The following UNKL variants were observed in gnomAD, a reference collection of about 807,000 sequenced individuals.
UNKL encodes putative E3 ubiquitin-protein ligase UNKL.
In UNKL, 60 loss-of-function variants were observed where a neutral mutation model predicts 78.0. The observed-to-expected ratio is 0.77, with a 90% CI of 0.63 to 0.95. UNKL has a LOEUF of 0.95. Among genes scored for constraint, UNKL ranks in the 40% least tolerant of loss-of-function variants. The probability of loss-of-function intolerance (pLI) is 0.00; values close to 1 mark genes in which losing one functional copy is unlikely to be tolerated. For synonymous variants in UNKL, 608 were observed against 474.8 expected (o/e 1.28, Z -3.65); for missense variants, 1,159 against 1,045.7 (o/e 1.11, Z -1.49).
At chr16:1,381,189 G>T (rs1377747757) in intron 10 of UNKL, among the ~76,000 whole-genome samples, 1 of 152,218 alleles carries the variant, frequency 6.6e-6, no homozygotes, top group Non-Finnish European at 1.5e-5. Context: ...AGTGAGCACA[G>T]TCCAAGATGG....
intron 6 of UNKL, among the ~76,000 whole-genome samples, chr16:1,395,107 A>C (rs1003677876): frequency 2.2e-4 from 32 of 147,384 alleles, no homozygotes; most frequent in Non-Finnish European, 4.4e-5. Flanking sequence ...CAAACTCCTG[A>C]CCTCGGCCCC....
In UNKL at chr16:1,371,470, G is replaced by A. The variant is rs2035833175; in HGVS notation, c.1357+49C>T. On this transcript the variant is annotated intron_variant, in intron 11 of 14. Coordinates refer to ENST00000389221, the MANE Select transcript of UNKL (RefSeq NM_001372107.1). ...AGCGATCCTCCGGCCACAGCACTTG[G>A]CTGTTCAGCGGCTGGAGGAGCAGGG... The A allele has an allele frequency of 2.0e-6, 3 of 1,517,954 alleles. No individual in the cohort carries two copies. The South Asian group carries it at 3.6e-5, about 18-fold the overall frequency. The allele number at this position is 1,517,954 out of a possible 1,614,324, so 94.0% of individuals were successfully genotyped here.
intron 10 of UNKL, chr16:1,379,543 GC>G (rs900643710): frequency 1.6e-4 from 161 of 985,130 alleles, no homozygotes; most frequent in Non-Finnish European, 1.9e-4. Flanking sequence ...CTGGCGGGGG[GC>G]GCACCTAAGG....
intron 2 of UNKL, among the ~76,000 whole-genome samples, chr16:1,405,194 CAAAAAAAAAAA>C (rs529175991): frequency 9.1e-6 from 1 of 109,514 alleles, no homozygotes; most frequent in Non-Finnish European, 1.9e-5. Flanking sequence ...GACCCTGTCT[CAAAAAAAAAAA>C]AAAAAAAAAA....
intron 12 of UNKL, 27 bp from the exon 13 acceptor site, chr16:1,367,885 CCAGCCCTGCTG>C: frequency 1.3e-6 from 2 of 1,532,658 alleles, no homozygotes; most frequent in East Asian, 2.4e-5. Context: ...CGATGACGGC[CCAGCCCTGCTG>C]TGCTCGCGGC....
chr16:1,380,100 C>A (rs1405403129), intron 10 of UNKL, among the ~76,000 whole-genome samples: 3 of 152,260 alleles, frequency 2.0e-5, no homozygotes, highest in Admixed American at 2.0e-4. Flanking sequence ...GGGTACGGAG[C>A]TCGCAGGTCT....
At chr16:1,378,003 C>T (rs1163465777) in intron 10 of UNKL, among the ~76,000 whole-genome samples, 1 of 152,200 alleles carries the variant, frequency 6.6e-6, no homozygotes, top group Non-Finnish European at 1.5e-5. Flanking sequence ...TGCCCTTGCG[C>T]GTGCCGGTCA....
rs949037794 is a variant in UNKL at position 1,403,694 on chromosome 16, G to A, written c.288-350C>T. Among the ~76,000 whole-genome samples the A allele has an allele frequency of 6.6e-6, 1 of 152,312 alleles. No individual in the cohort carries two copies. Among genetic ancestry groups the A allele is most frequent in the East Asian group, 1.9e-4 (1 of 5,190 alleles). On this transcript the variant is annotated intron_variant, in intron 2 of 14. Transcript: ENST00000389221. The surrounding 1 kb of genome is among the most constrained non-coding windows in gnomAD (Gnocchi z 4.8). Reference sequence around the variant, plus strand: ...CCAAATAAACCTTTAAACCTGTGTGGGAATGAGAGTTCATGCCCTGCACGC... The same window carrying A: ...CCAAATAAACCTTTAAACCTGTGTGAGAATGAGAGTTCATGCCCTGCACGC...
At position 1,390,686 on chromosome 16, in the gene UNKL, C is replaced by CGGTGAGGGGGGT. The variant is rs1414362055; in HGVS notation, c.1031_1032insACCCCCCTCACC (p.Arg344_Arg345insProProSerPro). ...GGCCACCCTCGGCCGGCGAGTCTCT[C>CGGTGAGGGGGGT]CGCTTGGCCTGCAACATAAAAAACA... On this transcript the variant is annotated inframe_insertion, in exon 9 of 15. Coordinates refer to ENST00000389221, the MANE Select transcript of UNKL (RefSeq NM_001372107.1). The CGGTGAGGGGGGT allele has an allele frequency of 6.5e-7, 1 of 1,536,036 alleles. No homozygotes were observed. The highest frequency in any genetic ancestry group is 8.7e-7 in the Non-Finnish European group (1 of 1,146,880).
In UNKL at chr16:1,367,202, C is replaced by T. The variant is rs184418979; in HGVS notation, c.1936G>A (p.Ala646Thr). The T allele has an allele frequency of 3.3e-5, 53 of 1,605,556 alleles. No homozygotes were observed. Among genetic ancestry groups the T allele is most frequent in the Non-Finnish European group, 4.4e-5 (52 of 1,178,184 alleles). Reference protein sequence around the residue: ...LQEELEGLGVASTLPGLRGCG... With the variant: ...LQEELEGLGVTSTLPGLRGCG... ...CCCCGCAGCCCCGGCAGTGTGGAGG[C>T]TACGCCCAGGCCCTCCAGCTCCTCC... is the stretch of plus-strand genomic sequence containing the variant. Residue 646 changes from alanine to threonine, a missense_variant, in exon 14 of 15, where the codon GCC (alanine) becomes ACC (threonine). By Grantham distance (58) the Ala-to-Thr change is moderately conservative (BLOSUM62 0). Transcript: ENST00000389221.
chr16:1,398,452 G>A, intron 5 of UNKL: 3 of 1,133,090 alleles, frequency 2.6e-6, no homozygotes, highest in South Asian at 4.7e-5. Flanking sequence ...AGCCGTTCAG[G>A]TCCTTTACTC....
At position 1,387,503 on chromosome 16, in the gene UNKL, G is replaced by A. The variant is rs117223448; in HGVS notation, c.1087-2118C>T. ...ACATCCAGGAGCAACGCACACCTGG[G>A]AGCTCCTTGTACCCCGATGGCTTGG... On this transcript the variant is annotated intron_variant, in intron 9 of 14. Coordinates refer to ENST00000389221, the MANE Select transcript of UNKL (RefSeq NM_001372107.1). This position sits in a 1 kb window ranked among gnomAD's most constrained non-coding sequence, Gnocchi z 4.1. Among the ~76,000 whole-genome samples the A allele has an allele frequency of 0.019, 2,916 of 152,246 alleles. 48 individuals carry two copies. The highest frequency in any genetic ancestry group is 0.031 in the Non-Finnish European group (2,089 of 68,010).
rs536455940 is a variant in UNKL, at chr16:1,368,654, A to G, written c.1586-796T>C. On this transcript the variant is annotated intron_variant, in intron 12 of 14. Coordinates refer to ENST00000389221, the MANE Select transcript of UNKL (RefSeq NM_001372107.1). ...AAAAAAACAGGCCTGTCATCCCAGC[A>G]CTTTGGGAGGTCGAGGCCAGCAGAT... Among the ~76,000 whole-genome samples, 4 of 144,352 alleles carry G rather than the reference A, an allele frequency of 2.8e-5. No homozygotes were observed. In the East Asian group the frequency reaches 8.4e-4, roughly 30 times the overall value. The allele number at this position is 144,352 out of a possible 152,430, so 94.7% of individuals were successfully genotyped here.
In UNKL at chr16:1,371,555, G is replaced by A. The variant is rs2035842074; in HGVS notation, c.1321C>T (p.Leu441=). The change falls in exon 11 of 15, where the codon CTG becomes TTG. Residue 441 remains leucine, a synonymous_variant. Transcript: ENST00000389221. ...NVNIASLEKD[L]EEQDGHDLGA... ...AGGTCGTGGCCGTCTTGCTCTTCCA[G>A]GTCCTTCTCTAGGGATGCAATATTC... The A allele has an allele frequency of 1.3e-6, 2 of 1,536,230 alleles. No homozygotes were observed. The highest frequency in any genetic ancestry group is 1.4e-5 in the African/African-American group (1 of 73,170).
intron 10 of UNKL, among the ~76,000 whole-genome samples, chr16:1,376,374 C>T (rs542966915): frequency 6.6e-6 from 1 of 150,566 alleles, no homozygotes; most frequent in African/African-American, 2.4e-5. Context: ...CTCTTCCCTC[C>T]TCCCTCCAGG....
intron 8 of UNKL, 145 bp from the exon 9 acceptor site, chr16:1,390,839 G>C: frequency 1.3e-6 from 1 of 797,548 alleles, no homozygotes; most frequent in Admixed American, 2.4e-5. Flanking sequence ...AGACCAGCCT[G>C]GCCAACATGG....
chr16:1,367,659 C>CTTCA lies in UNKL; in HGVS notation c.1781_1784dup (p.Lys595AsnfsTer24), dbSNP rs2035415077. ...TCTGGCCCCCCCACACACTCACCTGCTTCACCTGCTGCCAGGACTCCTCCC... is the reference window on the plus strand; with the variant it reads ...TCTGGCCCCCCCACACACTCACCTGCTTCATTCACCTGCTGCCAGGACTCCTCCC... On this transcript the variant is annotated frameshift_variant, in exon 13 of 15. Transcript: ENST00000389221. LOFTEE classifies it high-confidence loss of function. The CTTCA allele has an allele frequency of 6.4e-7, 1 of 1,564,488 alleles. No individual in the cohort carries two copies. The highest frequency in any genetic ancestry group is 8.6e-7 in the Non-Finnish European group (1 of 1,156,132).
intron 9 of UNKL, among the ~76,000 whole-genome samples, chr16:1,386,415 G>A (rs899482076): frequency 3.3e-5 from 5 of 152,082 alleles, no homozygotes; most frequent in African/African-American, 4.8e-5. Flanking sequence ...TTAGCCGGGC[G>A]TGGTGGTGGG....
Position 1,374,265 on chromosome 16 carries a change from A to G in UNKL, c.1265-2654T>C, listed in dbSNP as rs114751178. On this transcript the variant is annotated intron_variant, in intron 10 of 14. Transcript: ENST00000389221. The stretch of plus-strand genomic sequence containing the variant: ...GCCCACCTTTGGCATCCACTCTCCC[A>G]TGTGCGCTGTGTGGGGTCTCTCCTG... Among the ~76,000 whole-genome samples, 482 of 152,162 alleles carry G rather than the reference A, an allele frequency of 3.2e-3. 6 individuals are homozygous for G. Among genetic ancestry groups the G allele is most frequent in the African/African-American group, 0.011 (459 of 41,496 alleles).
Sources: allele counts gnomAD v4.1 joint callset (sites outside exome capture counted in the v4.1 genomes callset), GRCh38; gene constraint gnomAD v4.1.1; non-coding constraint Gnocchi (gnomAD v3.1); transcripts MANE v1.5; gene names NCBI Gene and HGNC (gene_info 2026-07-23, HGNC 2026-07-21).